Variants in ZNF385B observed in about 807,000 individuals in gnomAD.
The protein encoded by ZNF385B is zinc finger protein 533.
A neutral mutation model predicts 39.2 loss-of-function variants in ZNF385B; 23 were observed. The ratio of observed to expected loss-of-function variants is 0.59; its 90% confidence interval spans 0.42 to 0.83. The LOEUF is 0.83. ZNF385B is among the 40% of genes least tolerant of loss of function. ZNF385B has a pLI of 0.00. For missense variants in ZNF385B, 552 were observed against 598.9 expected, an observed-to-expected ratio of 0.92 and a Z score of 0.82; for synonymous variants, 205 against 222.6, an observed-to-expected ratio of 0.92 and a Z score of 0.70.
At chr2:179,744,197 C>A (rs770263432) in intron 3 of ZNF385B, among the ~76,000 whole-genome samples, 6 of 152,002 alleles carry the variant, frequency 3.9e-5, no homozygotes, top group Non-Finnish European at 8.8e-5. Context: ...TCTGTAGGTC[C>A]TGGATTAAAC....
At chr2:179,503,384 G>T (rs1445917948) in intron 5 of ZNF385B, among the ~76,000 whole-genome samples, 1 of 152,174 alleles carries the variant, frequency 6.6e-6, no homozygotes, top group East Asian at 1.9e-4. Context: ...CCTAATTAAT[G>T]TAGTCCAATT....
intron 3 of ZNF385B, among the ~76,000 whole-genome samples, chr2:179,582,865 T>C (rs1247687871): frequency 3.3e-5 from 5 of 152,240 alleles, no homozygotes; most frequent in African/African-American, 4.8e-5. Flanking sequence ...TTGTTGTTTT[T>C]TGAGATGGAG....
chr2:179,442,250 A>G lies in ZNF385B; in HGVS notation c.*1000T>C, dbSNP rs1349289410. ...TTTTTTATCTTCTGTACATTATTGC[A>G]TTAGGGAGCCACAAAATTATGTAGC... On this transcript the variant is annotated 3_prime_UTR_variant, in exon 10 of 10. Coordinates refer to ENST00000410066, the MANE Select transcript of ZNF385B (RefSeq NM_152520.6). The G allele has an allele frequency of 2.6e-5, 4 of 152,670 alleles. No individual in the cohort carries two copies. The highest frequency in any genetic ancestry group is 2.9e-5 in the Non-Finnish European group (2 of 68,038). 9.5% of individuals were successfully genotyped at this position (152,670 alleles called of 1,614,324 possible). A position where few individuals can be genotyped will look rare whatever the true frequency, so the allele number is the denominator to read the frequency against.
chr2:179,718,742 C>A (rs1280470139), intron 3 of ZNF385B, among the ~76,000 whole-genome samples: 4 of 150,480 alleles, frequency 2.7e-5, no homozygotes, highest in East Asian at 1.9e-4. Context: ...GTGCCTCATG[C>A]CTGTAATCAC....
intron 5 of ZNF385B, among the ~76,000 whole-genome samples, chr2:179,504,361 G>A (rs1160381254): frequency 6.6e-6 from 1 of 151,868 alleles, no homozygotes; most frequent in Non-Finnish European, 1.5e-5. Flanking sequence ...CTTTATAGCA[G>A]CATGATTTAT....
intron 1 of ZNF385B, among the ~76,000 whole-genome samples, chr2:179,781,706 A>C (rs1047730795): frequency 1.3e-5 from 2 of 152,192 alleles, no homozygotes; most frequent in Non-Finnish European, 2.9e-5. Flanking sequence ...CTCTATATAC[A>C]CAAAGTAGAA....
intron 6 of ZNF385B, among the ~76,000 whole-genome samples, chr2:179,482,775 T>G (rs369925778): frequency 6.6e-6 from 1 of 152,268 alleles, no homozygotes; most frequent in East Asian, 1.9e-4. Flanking sequence ...CCAGATTCAT[T>G]TAGTAATGCT....
At chr2:179,448,895 A>C (rs577787650) in intron 6 of ZNF385B, among the ~76,000 whole-genome samples, 2 of 152,254 alleles carry the variant, frequency 1.3e-5, no homozygotes, top group African/African-American at 4.8e-5. Context: ...AAGTATATTT[A>C]TTTGGCGTAA....
chr2:179,814,447 T>C, intron 1 of ZNF385B: 1 of 482,136 alleles, frequency 2.1e-6, no homozygotes, highest in Non-Finnish European at 4.1e-6. Flanking sequence ...ATTACCAAAG[T>C]ACCTGACTTC....
In ZNF385B at chr2:179,543,092, C is replaced by T. The variant is rs192084436; in HGVS notation, c.441+1735G>A. Reference sequence around the variant, plus strand: ...TCTGAGAACAGCCTGGCCAACATGGCGAAACCCTGTCTCTATTAAAAACAC... The same window carrying T: ...TCTGAGAACAGCCTGGCCAACATGGTGAAACCCTGTCTCTATTAAAAACAC... On this transcript the variant is annotated intron_variant, in intron 4 of 9. Coordinates refer to ENST00000410066, the MANE Select transcript of ZNF385B (RefSeq NM_152520.6). 5.1e-3 allele frequency among the ~76,000 whole-genome samples: 778 copies of T among 152,084 alleles called. 6 individuals carry two copies. The highest frequency in any genetic ancestry group is 0.017 in the Middle Eastern group (5 of 294).
chr2:179,794,901 A>G (rs1705562016), intron 1 of ZNF385B, among the ~76,000 whole-genome samples: 1 of 152,174 alleles, frequency 6.6e-6, no homozygotes, highest in South Asian at 2.1e-4. Context: ...TGGGGGTATC[A>G]TCAGTGTAAA....
chr2:179,815,379 T>C (rs1171805254), intron 1 of ZNF385B, among the ~76,000 whole-genome samples: 3 of 152,104 alleles, frequency 2.0e-5, no homozygotes, highest in Admixed American at 6.5e-5. Context: ...ATTACCTAAG[T>C]CAAGCATGAG....
At chr2:179,782,313 T>C (rs1704715954) in intron 1 of ZNF385B, among the ~76,000 whole-genome samples, 1 of 152,088 alleles carries the variant, frequency 6.6e-6, no homozygotes, top group Non-Finnish European at 1.5e-5. Flanking sequence ...TGCAATAAAC[T>C]AGGTATTGAA....
At chr2:179,548,855 T>A (rs1033047290) in intron 3 of ZNF385B, among the ~76,000 whole-genome samples, 2 of 149,324 alleles carry the variant, frequency 1.3e-5, no homozygotes, top group Admixed American at 1.3e-4. Flanking sequence ...TAATTCAAGA[T>A]GAGGTTTGGG....
chr2:179,530,783 C>G (rs1182388281), intron 4 of ZNF385B, among the ~76,000 whole-genome samples: 2 of 152,160 alleles, frequency 1.3e-5, no homozygotes, highest in Admixed American at 6.5e-5. Flanking sequence ...ATTTCTTACC[C>G]TTTCACTAAG....
chr2:179,784,093 T>C (rs1249029956), intron 1 of ZNF385B, among the ~76,000 whole-genome samples: 1 of 152,042 alleles, frequency 6.6e-6, no homozygotes, highest in Non-Finnish European at 1.5e-5. Flanking sequence ...CAATGACAGA[T>C]TGGATAAAGA....
chr2:179,779,994 G>T (rs1021603390), intron 1 of ZNF385B, among the ~76,000 whole-genome samples: 1 of 151,982 alleles, frequency 6.6e-6, no homozygotes, highest in Non-Finnish European at 1.5e-5. Context: ...TGATTTAATT[G>T]GTCTGCTGCT....
rs558541370 is a variant in ZNF385B, at chr2:179,858,915, T to C, written c.-155+2186A>G. Among the ~76,000 whole-genome samples the C allele has an allele frequency of 3.3e-5, 5 of 152,324 alleles. No individual in the cohort carries two copies. In the East Asian group the frequency reaches 9.6e-4, roughly 29 times the overall value. On this transcript the variant is annotated intron_variant, in intron 1 of 9. Transcript: ENST00000410066. ...AAGCAATGATATCTTCAAATTCAGCTTGGAAAAAAAGTCTAAGGGCAGGGG... is the reference window on the plus strand; with the variant it reads ...AAGCAATGATATCTTCAAATTCAGCCTGGAAAAAAAGTCTAAGGGCAGGGG...
At chr2:179,576,009 T>C (rs1486263791) in intron 3 of ZNF385B, 1 of 304,782 alleles carries the variant, frequency 3.3e-6, no homozygotes, top group Non-Finnish European at 4.8e-6. Context: ...TTCCCTTAGA[T>C]AACTCCTCTC....
Sources: gnomAD v4.1 joint callset for allele counts (sites outside exome capture counted in the v4.1 genomes callset) on GRCh38, gnomAD v4.1.1 for gene constraint, MANE v1.5 for transcripts, NCBI Gene and HGNC (gene_info 2026-07-23, HGNC 2026-07-21) for gene names.